IGDCC4: variants seen among roughly 807,000 people sequenced by gnomAD.
The protein encoded by IGDCC4 is likely ortholog of mouse neighbor of Punc E11.
In IGDCC4, 72 loss-of-function variants were observed where a neutral mutation model predicts 116.6. That is an observed-to-expected ratio of 0.62 (90% confidence interval 0.51 to 0.75). The LOEUF (loss-of-function observed/expected upper bound fraction) is 0.75. Ranked by LOEUF, IGDCC4 falls within the 30% of genes least tolerant of loss-of-function variation. IGDCC4 has a pLI of 0.00. For synonymous variants in IGDCC4, 709 were observed against 719.9 expected (o/e 0.98, Z 0.24); for missense variants, 1,501 against 1,662.4 (o/e 0.90, Z 1.69).
chr15:65,397,356 C>T (rs763811313), intron 5 of IGDCC4, among the ~76,000 whole-genome samples: 1 of 152,198 alleles, frequency 6.6e-6, no homozygotes, highest in Non-Finnish European at 1.5e-5. Flanking sequence ...GAAGCTAGGG[C>T]TGGTAAGGTC....
chr15:65,396,219 C>CG (rs1448152738), intron 6 of IGDCC4, 56 bp from the exon 7 acceptor site: 10 of 1,273,192 alleles, frequency 7.9e-6, no homozygotes, highest in Non-Finnish European at 9.9e-6. Flanking sequence ...GGTCTCTGCC[C>CG]CCCCCCCAGT....
At chr15:65,389,252 G>A (rs747235750) in intron 14 of IGDCC4, 32 bp downstream of exon 14, 1 of 1,604,466 alleles carries the variant, frequency 6.2e-7, no homozygotes. Context: ...GGCAAAAGAT[G>A]GGTTGGTGGC....
At chr15:65,403,254 G>C (rs1694079472) in intron 3 of IGDCC4, among the ~76,000 whole-genome samples, 1 of 152,214 alleles carries the variant, frequency 6.6e-6, no homozygotes, top group Non-Finnish European at 1.5e-5. Context: ...TGTGTGTGCT[G>C]ATAGAGGGCC....
At chr15:65,406,625 A>T (rs753888684) in intron 3 of IGDCC4, among the ~76,000 whole-genome samples, 4 of 152,202 alleles carry the variant, frequency 2.6e-5, no homozygotes, top group Non-Finnish European at 5.9e-5. Context: ...TGAATAGCAT[A>T]TTTGTGCATG....
At chr15:65,418,900 C>T (rs111644507) in intron 1 of IGDCC4, among the ~76,000 whole-genome samples, 19 of 152,190 alleles carry the variant, frequency 1.2e-4, no homozygotes, top group African/African-American at 4.3e-4. Flanking sequence ...AAGCTGATAA[C>T]GTCTCAGAAG....
chr15:65,388,963 G>A lies in IGDCC4; in HGVS notation c.2552C>T (p.Pro851Leu), dbSNP rs772877278. ...STLPDRPSTPPSDLRLSPLTP... is the reference protein window; with the variant it reads ...STLPDRPSTPLSDLRLSPLTP... ...CAGGGGGCTCAGTCGCAGGTCGGAT[G>A]GGGGTGTGGAGGGCCCTGGGGTGCG... The change falls in exon 15 of 20, where the codon CCA becomes CTA. Residue 851 changes from proline to leucine, a missense_variant. Physicochemically the swap from Pro to Leu is moderately conservative, Grantham distance 98. Coordinates refer to ENST00000352385, the MANE Select transcript of IGDCC4 (RefSeq NM_020962.3). 66 of 1,602,602 alleles carry A rather than the reference G, an allele frequency of 4.1e-5. No individual in the cohort carries two copies. Among genetic ancestry groups the A allele is most frequent in the Non-Finnish European group, 4.8e-5 (56 of 1,175,030 alleles).
At chr15:65,410,036 A>G in intron 3 of IGDCC4, 142 bp downstream of exon 3, 1 of 997,154 alleles carries the variant, frequency 1.0e-6, no homozygotes, top group Non-Finnish European at 1.5e-6. Flanking sequence ...ACTAGACATG[A>G]GCCAGGAGTC....
intron 6 of IGDCC4, 60 bp from the exon 7 acceptor site, chr15:65,396,223 C>CG: frequency 6.6e-6 from 9 of 1,362,868 alleles, no homozygotes; most frequent in Non-Finnish European, 8.6e-6. Context: ...TCTGCCCCCC[C>CG]CCCAGTACCC....
intron 17 of IGDCC4, 152 bp downstream of exon 17, chr15:65,386,399 A>G (rs2091458884): frequency 2.8e-6 from 2 of 724,916 alleles, no homozygotes; most frequent in African/African-American, 1.7e-5. Context: ...TCAGGAGGAC[A>G]TCATCCCTGA....
chr15:65,420,516 G>A (rs1233710100), intron 1 of IGDCC4, among the ~76,000 whole-genome samples: 1 of 152,094 alleles, frequency 6.6e-6, no homozygotes, highest in African/African-American at 2.4e-5. Context: ...AGGGCTCATG[G>A]GGACTCTCAG....
intron 1 of IGDCC4, among the ~76,000 whole-genome samples, chr15:65,421,868 C>T (rs908800493): frequency 3.3e-5 from 5 of 152,064 alleles, no homozygotes; most frequent in African/African-American, 1.2e-4. Context: ...GTGGAAGCCG[C>T]AGCCCTAGAC....
chr15:65,420,182 C>G (rs530285917), intron 1 of IGDCC4, among the ~76,000 whole-genome samples: 14 of 152,218 alleles, frequency 9.2e-5, no homozygotes, highest in African/African-American at 3.1e-4. Flanking sequence ...CCTGACTTCA[C>G]GTGATCCGCC....
In IGDCC4 at chr15:65,389,126, T is replaced by G. The variant is rs536137063; in HGVS notation, c.2537-148A>C. On this transcript the variant is annotated intron_variant, in intron 14 of 19. Transcript: ENST00000352385. Reference sequence around the variant, plus strand: ...AGTTGGGGAATTCTAGAAAACAGTATGTGTGGTTGGAGGGACTTAACATTC... The same window carrying G: ...AGTTGGGGAATTCTAGAAAACAGTAGGTGTGGTTGGAGGGACTTAACATTC... The G allele has an allele frequency of 6.1e-6, 7 of 1,149,666 alleles. No individual in the cohort carries two copies. The East Asian group carries it at 1.8e-4, about 29-fold the overall frequency. The allele number at this position is 1,149,666 out of a possible 1,614,324, so 71.2% of individuals were successfully genotyped here.
rs1376392137 is a variant in IGDCC4 at position 65,396,999 on chromosome 15, G to A, written c.842-10C>T. Reference sequence around the variant, plus strand: ...GAGATGGGCTTCCCGTCTGGGGAAGGAGAGGGAGACGCGCTGGAGGGGACG... The same window carrying A: ...GAGATGGGCTTCCCGTCTGGGGAAGAAGAGGGAGACGCGCTGGAGGGGACG... On this transcript the variant is annotated splice_polypyrimidine_tract_variant and intron_variant, in intron 5 of 19. Coordinates refer to ENST00000352385, the MANE Select transcript of IGDCC4 (RefSeq NM_020962.3). 1 of 1,575,598 alleles carries A rather than the reference G, an allele frequency of 6.3e-7. No homozygotes were observed. Among genetic ancestry groups the A allele is most frequent in the East Asian group, 2.3e-5 (1 of 43,154 alleles).
In IGDCC4 at chr15:65,381,757, A is replaced by C. The variant is rs1396342933; in HGVS notation, c.*2252T>G. The C allele has an allele frequency of 6.6e-6, 1 of 152,516 alleles. No homozygotes were observed. The highest frequency in any genetic ancestry group is 1.9e-4 in the East Asian group (1 of 5,194). 9.4% of individuals were successfully genotyped at this position (152,516 alleles called of 1,614,324 possible). ...GGGATTAATACCCTGTAAAAGGCCA[A>C]TAGATTCTTTTCTAATAAAAATACT... is the stretch of plus-strand genomic sequence containing the variant. On this transcript the variant is annotated 3_prime_UTR_variant, in exon 20 of 20. Transcript: ENST00000352385.
chr15:65,410,547 T>C (rs1429894139), intron 2 of IGDCC4: 2 of 581,610 alleles, frequency 3.4e-6, no homozygotes, highest in East Asian at 5.9e-5. Context: ...ATCATCATGA[T>C]GGTCAAACTA....
intron 15 of IGDCC4, 87 bp downstream of exon 15, chr15:65,388,721 G>T (rs2140193164): frequency 6.3e-7 from 1 of 1,598,080 alleles, no homozygotes; most frequent in Non-Finnish European, 8.5e-7. Flanking sequence ...AGTAGCCCCT[G>T]GAACAAACCC....
At position 65,384,524 on chromosome 15, in the gene IGDCC4, G is replaced by T; in HGVS notation, c.3343-105C>A. The T allele has an allele frequency of 8.8e-7, 1 of 1,129,954 alleles. No homozygotes were observed. The highest frequency in any genetic ancestry group is 1.2e-6 in the Non-Finnish European group (1 of 812,796). 70.0% of individuals were successfully genotyped at this position (1,129,954 alleles called of 1,614,324 possible). A position where few individuals can be genotyped will look rare whatever the true frequency, so the allele number is the denominator to read the frequency against. The stretch of plus-strand genomic sequence containing the variant: ...AAAGTCTGACCCTCCATCAGAGTAA[G>T]TATCACATGGGAGTCGGTGAAGGAT... On this transcript the variant is annotated intron_variant, in intron 19 of 19. Transcript: ENST00000352385. The surrounding 1 kb of genome is among the most constrained non-coding windows in gnomAD (Gnocchi z 4.9).
intron 1 of IGDCC4, among the ~76,000 whole-genome samples, chr15:65,417,635 A>G (rs973732658): frequency 1.4e-4 from 22 of 152,056 alleles, no homozygotes; most frequent in Admixed American, 1.4e-3. Flanking sequence ...TCACTCTGTC[A>G]CCCAGGTTGG....
Sources: allele counts gnomAD v4.1 joint callset (sites outside exome capture counted in the v4.1 genomes callset), GRCh38; gene constraint gnomAD v4.1.1; non-coding constraint Gnocchi (gnomAD v3.1); transcripts MANE v1.5; gene names NCBI Gene and HGNC (gene_info 2026-07-23, HGNC 2026-07-21).